ATP6V0D1: variants seen among roughly 807,000 people sequenced by gnomAD.
ATP6V0D1 encodes the protein V-type proton ATPase subunit d 1.
In ATP6V0D1, 13 loss-of-function variants were observed where a neutral mutation model predicts 39.0. That is an observed-to-expected ratio of 0.33 (90% CI 0.22 to 0.53). ATP6V0D1 has a LOEUF of 0.53. Ranked by LOEUF, ATP6V0D1 falls within the 20% of genes least tolerant of loss-of-function variation. ATP6V0D1 has a pLI of 0.94. For synonymous variants in ATP6V0D1, 191 were observed against 191.2 expected, an observed-to-expected ratio of 1.00 and a Z score of 0.01; for missense variants, 272 against 470.9, an observed-to-expected ratio of 0.58 and a Z score of 3.91.
chr16:67,470,496 T>G (rs2041363872), intron 1 of ATP6V0D1, among the ~76,000 whole-genome samples: 1 of 152,194 alleles, frequency 6.6e-6, no homozygotes. Context: ...CACACTTGTG[T>G]CCACTTGGCC....
intron 1 of ATP6V0D1, among the ~76,000 whole-genome samples, chr16:67,463,809 T>C (rs2041308249): frequency 6.6e-6 from 1 of 152,110 alleles, no homozygotes. Context: ...TCAAGGGCCT[T>C]GTGGGACAGG....
At chr16:67,445,210 GGAGA>G (rs1360153522) in intron 2 of ATP6V0D1, among the ~76,000 whole-genome samples, 1 of 152,192 alleles carries the variant, frequency 6.6e-6, no homozygotes, top group African/African-American at 2.4e-5. Context: ...ACTGGCAGAG[GGAGA>G]GAAAGGCGCA....
At chr16:67,457,617 A>C (rs892433321) in intron 1 of ATP6V0D1, 11 of 1,289,534 alleles carry the variant, frequency 8.5e-6, no homozygotes, top group Non-Finnish European at 1.0e-5. Context: ...CTCAGGGACA[A>C]GTCCCTCTGG....
chr16:67,452,504 G>C, intron 2 of ATP6V0D1: 1 of 1,073,704 alleles, frequency 9.3e-7, no homozygotes, highest in Non-Finnish European at 1.4e-6. Context: ...AGGTGTGCCA[G>C]GTCCCAAGGA....
intron 1 of ATP6V0D1, chr16:67,459,305 T>A: frequency 1.0e-6 from 1 of 976,344 alleles, no homozygotes; most frequent in Non-Finnish European, 1.2e-6. Flanking sequence ...GTCCCTGCCC[T>A]CCCACCTCCA....
At chr16:67,457,857 T>C (rs1286841536) in intron 1 of ATP6V0D1, among the ~76,000 whole-genome samples, 1 of 152,228 alleles carries the variant, frequency 6.6e-6, no homozygotes, top group Non-Finnish European at 1.5e-5. Flanking sequence ...TGGTTTCTGC[T>C]GGCATTTGTC....
intron 1 of ATP6V0D1, among the ~76,000 whole-genome samples, chr16:67,465,463 G>C (rs1225407310): frequency 1.3e-5 from 2 of 152,222 alleles, no homozygotes. Context: ...CAAGACAAGA[G>C]TGGTGACTAC....
At chr16:67,448,678 A>AG (rs1491227028) in intron 2 of ATP6V0D1, among the ~76,000 whole-genome samples, 2 of 151,048 alleles carry the variant, frequency 1.3e-5, no homozygotes, top group Non-Finnish European at 3.0e-5. Context: ...AAAAAAAAAA[A>AG]GCATATGAGT....
chr16:67,452,657 G>A (rs1277198552), intron 2 of ATP6V0D1, among the ~76,000 whole-genome samples: 1 of 152,216 alleles, frequency 6.6e-6, no homozygotes, highest in African/African-American at 2.4e-5. Context: ...GCATGCCTCT[G>A]CTCACCACCC....
At chr16:67,473,714 G>A (rs1343867135) in intron 1 of ATP6V0D1, among the ~76,000 whole-genome samples, 4 of 152,128 alleles carry the variant, frequency 2.6e-5, no homozygotes, top group African/African-American at 4.8e-5. Flanking sequence ...TAGTAGAGAC[G>A]GGGTTTCACC....
At chr16:67,464,680 A>G (rs925248083) in intron 1 of ATP6V0D1, among the ~76,000 whole-genome samples, 2 of 152,232 alleles carry the variant, frequency 1.3e-5, no homozygotes, top group East Asian at 3.8e-4. Flanking sequence ...AGGCAGTAAA[A>G]GCTGAGTTTC....
chr16:67,478,105 A>T lies in ATP6V0D1; in HGVS notation c.130+2852T>A, dbSNP rs1301362090. On this transcript the variant is annotated intron_variant, in intron 1 of 7. Transcript: ENST00000290949. ...CTGGGCTAAGTGTTTTACATGTTGT[A>T]GCTTGTTGACATTTCACAACCTGTA... Among the ~76,000 whole-genome samples, 5 of 152,328 alleles carry T rather than the reference A, an allele frequency of 3.3e-5. 1 individual carries two copies. The East Asian group carries it at 7.7e-4, about 23-fold the overall frequency.
At chr16:67,468,117 C>T (rs1420726044) in intron 1 of ATP6V0D1, among the ~76,000 whole-genome samples, 2 of 152,168 alleles carry the variant, frequency 1.3e-5, no homozygotes, top group East Asian at 3.9e-4. Context: ...ATAGTGAGAC[C>T]CTGTCTCCAC....
At chr16:67,441,689 C>T (rs1176652199) in intron 4 of ATP6V0D1, 1 of 152,282 alleles carries the variant, frequency 6.6e-6, no homozygotes, top group African/African-American at 2.4e-5. Flanking sequence ...ATCCCTGGCG[C>T]TGCCAGTGAC....
intron 2 of ATP6V0D1, among the ~76,000 whole-genome samples, chr16:67,451,208 C>T (rs780038105): frequency 6.6e-6 from 1 of 152,118 alleles, no homozygotes; most frequent in African/African-American, 2.4e-5. Context: ...AGGGGGAGAG[C>T]GGCTCCAGGC....
chr16:67,442,798 T>C (rs1265452242), intron 4 of ATP6V0D1, among the ~76,000 whole-genome samples: 1 of 152,176 alleles, frequency 6.6e-6, no homozygotes, highest in Non-Finnish European at 1.5e-5. Context: ...TGGTAGTCCA[T>C]GACCCTCCTG....
intron 1 of ATP6V0D1, chr16:67,455,367 A>T (rs1261758797): frequency 1.3e-5 from 2 of 152,226 alleles, no homozygotes; most frequent in East Asian, 3.9e-4. Flanking sequence ...ACCTGGAGTC[A>T]GGCGAGCTAA....
intron 1 of ATP6V0D1, chr16:67,459,111 T>A (rs986118390): frequency 2.0e-5 from 20 of 985,528 alleles, no homozygotes; most frequent in Non-Finnish European, 2.4e-5. Context: ...AGCCCTTGAC[T>A]GGTCTAACAG....
chr16:67,459,337 G>T, intron 1 of ATP6V0D1: 1 of 884,536 alleles, frequency 1.1e-6, no homozygotes, highest in Non-Finnish European at 1.4e-6. Flanking sequence ...TGTCCACCCT[G>T]AGGTTGCCTG....
Sources: allele counts gnomAD v4.1 joint callset (sites outside exome capture counted in the v4.1 genomes callset), GRCh38; gene constraint gnomAD v4.1.1; transcripts MANE v1.5; gene names NCBI Gene and HGNC (gene_info 2026-07-23, HGNC 2026-07-21).